CADM2: variants seen among roughly 807,000 people sequenced by gnomAD.
CADM2 encodes cell adhesion molecule 2.
Under a neutral mutation model 49.8 loss-of-function variants are expected in CADM2, and 12 were observed. The observed-to-expected ratio is 0.24, with a 90% CI of 0.15 to 0.39. CADM2 has a LOEUF of 0.39. CADM2 is among the 10% of genes least tolerant of loss of function. The pLI, the probability that CADM2 is intolerant of heterozygous loss-of-function variation, is 1.00. For missense variants in CADM2, 378 were observed against 492.3 expected (o/e 0.77, Z 2.20); for synonymous variants, 214 against 175.4 (o/e 1.22, Z -1.74).
At chr3:85,916,932 G>C (rs1344047080) in intron 6 of CADM2, among the ~76,000 whole-genome samples, 3 of 152,092 alleles carry the variant, frequency 2.0e-5, no homozygotes, top group African/African-American at 7.2e-5. Context: ...GTGATGATGA[G>C]CATTTTTTCA....
At chr3:85,519,399 C>T (rs1270467981) in intron 1 of CADM2, among the ~76,000 whole-genome samples, 1 of 152,010 alleles carries the variant, frequency 6.6e-6, no homozygotes, top group Non-Finnish European at 1.5e-5. Flanking sequence ...ATTTTATTCT[C>T]AGCCAATTAC....
At position 85,501,967 on chromosome 3, in the gene CADM2, G is replaced by A. The variant is rs373777548; in HGVS notation, c.62-224555G>A. Among the ~76,000 whole-genome samples, 101 of 150,898 alleles carry A rather than the reference G, an allele frequency of 6.7e-4. 1 individual carries two copies. The highest frequency in any genetic ancestry group is 2.4e-3 in the African/African-American group (96 of 40,360). ...ATATCACACAATTGGCTAGAGAAAAGACTAATATAATTCTTCTTCTAAGAA... is the reference window on the plus strand; with the variant it reads ...ATATCACACAATTGGCTAGAGAAAAAACTAATATAATTCTTCTTCTAAGAA... On this transcript the variant is annotated intron_variant, in intron 1 of 9. Coordinates refer to ENST00000383699, the MANE Select transcript of CADM2 (RefSeq NM_001167675.2).
intron 1 of CADM2, among the ~76,000 whole-genome samples, chr3:85,516,729 G>A (rs548685173): frequency 6.6e-6 from 1 of 151,858 alleles, no homozygotes; most frequent in Non-Finnish European, 1.5e-5. Context: ...ATATAAGAAA[G>A]GTAGTTCAAC....
rs192947378 is a variant in CADM2 at position 85,022,252 on chromosome 3, T to A, written c.61+62584T>A. ...TTCCCATATGCAAATGTTCTAAGCA[T>A]CTTTGGTCTTTATCACATATTTATA... On this transcript the variant is annotated intron_variant, in intron 1 of 9. Transcript: ENST00000383699. Among the ~76,000 whole-genome samples, 98 of 152,328 alleles carry A rather than the reference T, an allele frequency of 6.4e-4. 1 individual carries two copies. Among genetic ancestry groups the A allele is most frequent in the African/African-American group, 2.2e-3 (93 of 41,582 alleles).
chr3:85,236,127 T>C (rs2042402091), intron 1 of CADM2, among the ~76,000 whole-genome samples: 1 of 151,816 alleles, frequency 6.6e-6, no homozygotes, highest in Admixed American at 6.6e-5. Context: ...AAAAAGTACT[T>C]CTCACGGTTG....
intron 3 of CADM2, among the ~76,000 whole-genome samples, chr3:85,841,675 T>C (rs1041388503): frequency 4.6e-5 from 7 of 152,004 alleles, no homozygotes; most frequent in African/African-American, 1.7e-4. Context: ...GTAGCACACA[T>C]AATTAAGGTT....
intron 1 of CADM2, among the ~76,000 whole-genome samples, chr3:85,532,060 C>G (rs978197162): frequency 1.1e-4 from 16 of 152,126 alleles, no homozygotes; most frequent in African/African-American, 3.9e-4. Flanking sequence ...GCCTGTAGTC[C>G]CAGCGACTCT....
intron 1 of CADM2, among the ~76,000 whole-genome samples, chr3:85,251,741 A>G (rs2042778698): frequency 6.6e-6 from 1 of 151,932 alleles, no homozygotes; most frequent in Non-Finnish European, 1.5e-5. Flanking sequence ...ATATTTTTCT[A>G]CTCAGGCAGA....
intron 1 of CADM2, among the ~76,000 whole-genome samples, chr3:85,430,704 G>A (rs1012378792): frequency 1.3e-5 from 2 of 150,970 alleles, no homozygotes; most frequent in African/African-American, 4.9e-5. Context: ...AGGGGTGGGG[G>A]CATGGGAGAG....
chr3:85,041,514 TG>T (rs1342398389), intron 1 of CADM2, among the ~76,000 whole-genome samples: 1 of 152,188 alleles, frequency 6.6e-6, no homozygotes, highest in East Asian at 1.9e-4. Flanking sequence ...GTATCTTTCA[TG>T]CTCTTAAATC....
intron 1 of CADM2, among the ~76,000 whole-genome samples, chr3:85,639,328 T>C (rs2064630304): frequency 6.6e-6 from 1 of 152,210 alleles, no homozygotes; most frequent in South Asian, 2.1e-4. Context: ...TGTTGAGAGT[T>C]ATGCATCACT....
intron 1 of CADM2, among the ~76,000 whole-genome samples, chr3:85,442,470 AAAT>A (rs1039302217): frequency 2.9e-4 from 28 of 97,018 alleles, no homozygotes; most frequent in African/African-American, 8.3e-4. Flanking sequence ...TTACAAAGAA[AAAT>A]AATAATTCAC....
chr3:85,100,041 T>C (rs2037953727), intron 1 of CADM2, among the ~76,000 whole-genome samples: 1 of 152,214 alleles, frequency 6.6e-6, no homozygotes, highest in African/African-American at 2.4e-5. Flanking sequence ...CAATCTGCTC[T>C]AGTCTTGAGG....
In CADM2 at chr3:85,859,224, C is replaced by CTTTTTTTTTTTTTTTTT. The variant is rs397990427; in HGVS notation, c.239-24057_239-24041dup. On this transcript the variant is annotated intron_variant, in intron 3 of 9. Transcript: ENST00000383699. ...TACCTTGTGCTTTTCTTTTTTTTGT[C>CTTTTTTTTTTTTTTTTT]TTTTTTTTTTTTTTTTTTTTTTTTT... Among the ~76,000 whole-genome samples the CTTTTTTTTTTTTTTTTT allele has an allele frequency of 1.8e-4, 13 of 70,596 alleles. 1 individual carries two copies. Among genetic ancestry groups the CTTTTTTTTTTTTTTTTT allele is most frequent in the African/African-American group, 5.3e-4 (9 of 17,032 alleles). 46.3% of individuals were successfully genotyped at this position (70,596 alleles called of 152,430 possible). A position where few individuals can be genotyped will look rare whatever the true frequency, so the allele number is the denominator to read the frequency against.
intron 1 of CADM2, among the ~76,000 whole-genome samples, chr3:85,415,365 T>A (rs1486508423): frequency 6.6e-6 from 1 of 151,162 alleles, no homozygotes; most frequent in Admixed American, 6.6e-5. Context: ...ATTTTCATTT[T>A]TAATATACAC....
chr3:85,564,705 T>A (rs1449384), intron 1 of CADM2, among the ~76,000 whole-genome samples: 77,805 of 151,832 alleles, frequency 0.51, 23,010 homozygotes, highest in East Asian at 0.85. Context: ...ATGTTAATGA[T>A]TTTTTTAATT....
At chr3:85,322,591 G>T (rs2044643000) in intron 1 of CADM2, among the ~76,000 whole-genome samples, 1 of 152,164 alleles carries the variant, frequency 6.6e-6, no homozygotes, top group African/African-American at 2.4e-5. Context: ...CATGTTTAAA[G>T]TGTAAATAAA....
intron 1 of CADM2, among the ~76,000 whole-genome samples, chr3:85,450,300 A>T (rs1328239852): frequency 6.6e-6 from 1 of 152,178 alleles, no homozygotes; most frequent in East Asian, 1.9e-4. Flanking sequence ...ATATATCAGC[A>T]TATCTACTTG....
intron 1 of CADM2, among the ~76,000 whole-genome samples, chr3:85,090,788 A>T (rs528977397): frequency 6.6e-6 from 1 of 152,306 alleles, no homozygotes; most frequent in South Asian, 2.1e-4. Context: ...TCAACTGCAC[A>T]TGCGAGGGCT....
Sources: allele counts gnomAD v4.1 joint callset (sites outside exome capture counted in the v4.1 genomes callset), GRCh38; gene constraint gnomAD v4.1.1; transcripts MANE v1.5; gene names NCBI Gene and HGNC (gene_info 2026-07-23, HGNC 2026-07-21).